DNAH6: variants seen among roughly 807,000 people sequenced by gnomAD.
DNAH6 encodes the protein axonemal beta dynein heavy chain 6.
In DNAH6, 340 loss-of-function variants were observed where a neutral mutation model predicts 491.4. The ratio of observed to expected loss-of-function variants is 0.69; its 90% CI spans 0.63 to 0.76. The LOEUF is 0.76. Ranked by LOEUF, DNAH6 falls within the 30% of genes least tolerant of loss-of-function variation. The pLI, the probability that DNAH6 is intolerant of heterozygous loss-of-function variation, is 0.00. For missense variants in DNAH6, 4,443 were observed against 4,972.2 expected, an observed-to-expected ratio of 0.89 and a Z score of 3.20; for synonymous variants, 1,603 against 1,686.1, an observed-to-expected ratio of 0.95 and a Z score of 1.21.
intron 42 of DNAH6, among the ~76,000 whole-genome samples, chr2:84,683,055 G>A (rs984414451): frequency 4.1e-4 from 45 of 109,846 alleles, no homozygotes; most frequent in Non-Finnish European, 1.6e-4. Context: ...GCAATGCTCT[G>A]ACACCAGATA....
In DNAH6 at chr2:84,768,963, G is replaced by A. The variant is rs771345053; in HGVS notation, c.10703+6018G>A. On this transcript the variant is annotated intron_variant, in intron 64 of 76. Transcript: ENST00000389394. Reference sequence around the variant, plus strand: ...AAATCTATGTGCTATGGTGAGTTGAGTCAGATATCTGGGCCAGTGTGACTC... The same window carrying A: ...AAATCTATGTGCTATGGTGAGTTGAATCAGATATCTGGGCCAGTGTGACTC... Among the ~76,000 whole-genome samples, 30 of 152,230 alleles carry A rather than the reference G, an allele frequency of 2.0e-4. 1 individual carries two copies. Among genetic ancestry groups the A allele is most frequent in the Admixed American group, 1.3e-4 (2 of 15,276 alleles).
rs749242249 is a variant in DNAH6, at chr2:84,642,004, A to T, written c.5028A>T (p.Leu1676Phe). 5.2e-6 allele frequency: 8 copies of T among 1,551,074 alleles called. No homozygotes were observed. The highest frequency in any genetic ancestry group is 1.7e-4 in the Middle Eastern group (1 of 5,968). Residue 1676 changes from leucine to phenylalanine, a missense_variant, in exon 33 of 77, where the codon TTA (leucine) becomes TTT (phenylalanine). Coordinates refer to ENST00000389394, the MANE Select transcript of DNAH6 (RefSeq NM_001370.2). ...AAGATGTGGTGTTGATAAGAGCTTT[A>T]CAAGACTCCAATTTGCCAAAATTTC... is the stretch of plus-strand genomic sequence containing the variant. ...LNEDVVLIRA[L>F]QDSNLPKFLT...
intron 18 of DNAH6, among the ~76,000 whole-genome samples, chr2:84,596,892 C>T (rs1006018912): frequency 3.3e-5 from 5 of 152,122 alleles, no homozygotes; most frequent in African/African-American, 1.2e-4. Flanking sequence ...TTAAAGTCTG[C>T]ATTCCATCTT....
In DNAH6 at chr2:84,659,141, C is replaced by T; in HGVS notation, c.6056C>T (p.Thr2019Ile). The T allele has an allele frequency of 6.7e-7, 1 of 1,496,630 alleles. No individual in the cohort carries two copies. Among genetic ancestry groups the T allele is most frequent in the Non-Finnish European group, 9.0e-7 (1 of 1,109,096 alleles). The allele number at this position is 1,496,630 out of a possible 1,614,324, so 92.7% of individuals were successfully genotyped here. The change falls in exon 37 of 77, where the codon ACA becomes ATA. Residue 2019 changes from threonine (T) to isoleucine (I), a missense_variant. Coordinates refer to ENST00000389394, the MANE Select transcript of DNAH6 (RefSeq NM_001370.2). The stretch of plus-strand genomic sequence containing the variant: ...GATTCTTTTGATACATTTATTAGAA[C>T]ACAATTTGATGATAATCCTGATGCC... ...YYDSFDTFIR[T>I]QFDDNPDARL... is the part of the protein sequence containing the mutation.
the DNAH6 span, among the ~76,000 whole-genome samples, chr2:84,489,715 A>C: frequency 3.2e-5 from 1 of 31,412 alleles, no homozygotes; most frequent in Admixed American, 5.6e-4. Context: ...TGAATTGGTT[A>C]GACCCACAGT....
At chr2:84,586,572 G>A (rs145748059) in intron 15 of DNAH6, among the ~76,000 whole-genome samples, 276 of 152,298 alleles carry the variant, frequency 1.8e-3, no homozygotes, top group African/African-American at 6.4e-3. Context: ...CATGGGTGAT[G>A]GAAATTGGGA....
At chr2:84,593,739 A>G (rs1450757425) in intron 16 of DNAH6, among the ~76,000 whole-genome samples, 2 of 152,076 alleles carry the variant, frequency 1.3e-5, no homozygotes, top group Non-Finnish European at 2.9e-5. Context: ...TCTAAGTTCT[A>G]AGGAAATACC....
At chr2:84,546,176 A>G (rs962493098) in intron 5 of DNAH6, among the ~76,000 whole-genome samples, 1 of 152,112 alleles carries the variant, frequency 6.6e-6, no homozygotes, top group African/African-American at 2.4e-5. Flanking sequence ...GAATCATACA[A>G]TACACTTGGC....
Position 84,704,263 on chromosome 2 carries a change from T to C in DNAH6, c.8426T>C (p.Met2809Thr). 6 of 1,551,756 alleles carry C rather than the reference T, an allele frequency of 3.9e-6. No homozygotes were observed. The highest frequency in any genetic ancestry group is 5.2e-6 in the Non-Finnish European group (6 of 1,147,002). Reference sequence around the variant, plus strand: ...TTTACAAAGCCCCCAGATTTGGTCATGACAGTAATGGAAGCAATCTCCATT... The same window carrying C: ...TTTACAAAGCCCCCAGATTTGGTCACGACAGTAATGGAAGCAATCTCCATT... ...RVFTKPPDLV[M>T]TVMEAISILL... Residue 2809 changes from methionine (M) to threonine (T), a missense_variant, in exon 51 of 77, where the codon ATG (methionine) becomes ACG (threonine). Physicochemically the swap from Met to Thr is moderately conservative, Grantham distance 81. This residue lies in a region of DNAH6 where 1,463 missense variants were observed against 1,656.6 expected (regional missense o/e 0.88). Transcript: ENST00000389394.
intron 21 of DNAH6, among the ~76,000 whole-genome samples, chr2:84,610,363 A>C (rs1280930382): frequency 6.6e-6 from 1 of 152,148 alleles, no homozygotes; most frequent in Non-Finnish European, 1.5e-5. Context: ...ATCCCATAGC[A>C]CCTGGGAGCA....
intron 39 of DNAH6, among the ~76,000 whole-genome samples, chr2:84,672,046 A>T (rs1692787385): frequency 6.6e-6 from 1 of 152,222 alleles, no homozygotes; most frequent in Non-Finnish European, 1.5e-5. Flanking sequence ...AGACAGAGAA[A>T]GGTTCACTCC....
In DNAH6 at chr2:84,573,483, C is replaced by G. The variant is rs756836767; in HGVS notation, c.1820C>G (p.Ala607Gly). ...ISQIKETIQA[A>G]FESARIYAAT... is the part of the protein sequence containing the mutation. ...AACATTTAGGAAACCATTCAGGCCG[C>G]ATTTGAATCAGCCCGCATCTATGCA... Residue 607 changes from alanine to glycine, a missense_variant, in exon 12 of 77, where the codon GCA becomes GGA. Coordinates refer to ENST00000389394, the MANE Select transcript of DNAH6 (RefSeq NM_001370.2). 15 of 1,581,902 alleles carry G rather than the reference C, an allele frequency of 9.5e-6. No individual in the cohort carries two copies. In the East Asian group the frequency reaches 3.4e-4, roughly 36 times the overall value.
At chr2:84,753,115 T>C (rs971269363) in intron 63 of DNAH6, among the ~76,000 whole-genome samples, 2 of 152,208 alleles carry the variant, frequency 1.3e-5, no homozygotes, top group East Asian at 3.8e-4. Context: ...GATGGTACCT[T>C]ATGACTTTGA....
rs1381600791 is a variant in DNAH6, at chr2:84,625,195, T to C, written c.4515+132T>C. The C allele has an allele frequency of 6.9e-6, 6 of 866,686 alleles. No homozygotes were observed. The African/African-American group carries it at 8.8e-5, about 13-fold the overall frequency. 53.7% of individuals were successfully genotyped at this position (866,686 alleles called of 1,614,324 possible). On this transcript the variant is annotated intron_variant, in intron 29 of 76. Transcript: ENST00000389394. ...AGAAAAGAAATGGGGTAAATAATGG[T>C]TAAAGTGGAATAAATAGAGCAAGGG...
chr2:84,819,449 A>T lies in DNAH6; in HGVS notation c.*41A>T, dbSNP rs757402933. 1 of 1,315,366 alleles carries T rather than the reference A, an allele frequency of 7.6e-7. No individual in the cohort carries two copies. The highest frequency in any genetic ancestry group is 1.3e-5 in the South Asian group (1 of 76,206). 81.5% of individuals were successfully genotyped at this position (1,315,366 alleles called of 1,614,324 possible). On this transcript the variant is annotated 3_prime_UTR_variant, in exon 77 of 77. Coordinates refer to ENST00000389394, the MANE Select transcript of DNAH6 (RefSeq NM_001370.2). Reference sequence around the variant, plus strand: ...GCCCTGAAAAAGAACCAGGCCAGAGATCTTTCCTAATGGGAGCAAAAGGTT... The same window carrying T: ...GCCCTGAAAAAGAACCAGGCCAGAGTTCTTTCCTAATGGGAGCAAAAGGTT...
At chr2:84,641,762 C>T (rs941546694) in intron 32 of DNAH6, among the ~76,000 whole-genome samples, 185 bp from the exon 33 acceptor site, 6 of 152,196 alleles carry the variant, frequency 3.9e-5, no homozygotes, top group African/African-American at 1.4e-4. Flanking sequence ...TCCAAGGCTG[C>T]ATAGCCATTG....
At chr2:84,653,205 A>G in intron 33 of DNAH6, 114 bp from the exon 34 acceptor site, 1 of 900,936 alleles carries the variant, frequency 1.1e-6, no homozygotes, top group South Asian at 1.8e-5. Flanking sequence ...TACATGTCAG[A>G]AGAGAAAGAT....
At chr2:84,509,574 A>G in the DNAH6 span, among the ~76,000 whole-genome samples, 1 of 152,126 alleles carries the variant, frequency 6.6e-6, no homozygotes, top group Admixed American at 6.5e-5. Context: ...TCCCATTTAC[A>G]TTTAAGGTTA....
chr2:84,777,533 T>G, intron 64 of DNAH6: 1 of 755,182 alleles, frequency 1.3e-6, no homozygotes. Context: ...GATCACCTCA[T>G]AAGCACTCTC....
Sources: allele counts gnomAD v4.1 joint callset (sites outside exome capture counted in the v4.1 genomes callset), GRCh38; gene constraint gnomAD v4.1.1; regional missense constraint gnomAD v4.1.1; transcripts MANE v1.5; gene names NCBI Gene and HGNC (gene_info 2026-07-23, HGNC 2026-07-21).